The following NFKBIE variants were observed in gnomAD, a reference collection of about 807,000 sequenced individuals.
NFKBIE encodes NFKB inhibitor epsilon, also known as NF-kappa-B inhibitor epsilon.
Under a neutral mutation model 31.6 loss-of-function variants are expected in NFKBIE, and 11 were observed. The observed-to-expected ratio is 0.35, with a 90% CI of 0.22 to 0.58. NFKBIE has a LOEUF of 0.58. Among genes scored for constraint, NFKBIE ranks in the 20% least tolerant of loss-of-function variants. The pLI, the probability that NFKBIE is intolerant of heterozygous loss-of-function variation, is 0.83. For missense variants in NFKBIE, 354 were observed against 465.7 expected (o/e 0.76, Z 2.21); for synonymous variants, 208 against 210.1 (o/e 0.99, Z 0.09).
At chr6:44,262,110 G>A (rs756985144) in intron 2 of NFKBIE, among the ~76,000 whole-genome samples, 1 of 152,164 alleles carries the variant, frequency 6.6e-6, no homozygotes, top group Non-Finnish European at 1.5e-5. Context: ...AGGCCCTGGA[G>A]AAAGGACATG....
chr6:44,262,480 C>T (rs943897230), intron 2 of NFKBIE, 80 bp downstream of exon 2: 4 of 1,243,998 alleles, frequency 3.2e-6, no homozygotes, highest in Admixed American at 1.7e-5. Flanking sequence ...AAGTGAGCAG[C>T]CTTTGGACTG....
Position 44,261,643 on chromosome 6 carries a change from T to C in NFKBIE, c.674A>G (p.Gln225Arg). ...GTCCACACCTTGCCAGTTTTGCAGC[T>C]GGAGGTCCAGAGAGTGAGATGTTCC... ...GRGTSHSLDL[Q>R]LQNWQGLACL... Residue 225 changes from glutamine to arginine, a missense_variant, in exon 3 of 6, where the codon CAG becomes CGG. Gln to Arg is a conservative substitution (Grantham distance 43, BLOSUM62 1). Around this residue, in one of 2 missense-constraint regions of NFKBIE, gnomAD observed 183 missense variants for 310.6 expected, o/e 0.59. Transcript: ENST00000619360. The surrounding 1 kb of genome is among the most constrained non-coding windows in gnomAD (Gnocchi z 4.3). 2 of 1,614,168 alleles carry C rather than the reference T, an allele frequency of 1.2e-6. No individual in the cohort carries two copies. Among genetic ancestry groups the C allele is most frequent in the Non-Finnish European group, 1.7e-6 (2 of 1,180,000 alleles).
chr6:44,265,043 C>T lies in NFKBIE; in HGVS notation c.304G>A (p.Val102Met). 1.2e-5 allele frequency: 19 copies of T among 1,584,558 alleles called. No homozygotes were observed. The highest frequency in any genetic ancestry group is 1.6e-5 in the Non-Finnish European group (19 of 1,165,468). Residue 102 changes from valine to methionine, a missense_variant, in exon 1 of 6, where the codon GTG becomes ATG. Physicochemically the swap from Val to Met is conservative, Grantham distance 21. Around this residue, in one of 2 missense-constraint regions of NFKBIE, gnomAD observed 171 missense variants for 155.1 expected, o/e 1.10. Coordinates refer to ENST00000619360, the MANE Select transcript of NFKBIE (RefSeq NM_004556.3). ...DPAPRLPLPHVGALSPQQLEA... is the reference protein window; with the variant it reads ...DPAPRLPLPHMGALSPQQLEA... ...AGCTGCTGAGGGCTCAGCGCCCCCACGTGGGGGAGTGGCAGGCGTGGGGCC... is the reference window on the plus strand; with the variant it reads ...AGCTGCTGAGGGCTCAGCGCCCCCATGTGGGGGAGTGGCAGGCGTGGGGCC...
In NFKBIE at chr6:44,261,617, T is replaced by C. The variant is rs779573019; in HGVS notation, c.691+9A>G. ...AGGCCCTAAGGGCAGTCTTAAAGACTGTCCACACCTTGCCAGTTTTGCAGC... is the reference window on the plus strand; with the variant it reads ...AGGCCCTAAGGGCAGTCTTAAAGACCGTCCACACCTTGCCAGTTTTGCAGC... On this transcript the variant is annotated intron_variant, in intron 3 of 5. Transcript: ENST00000619360. The surrounding 1 kb of genome is among the most constrained non-coding windows in gnomAD (Gnocchi z 4.3). The C allele has an allele frequency of 1.2e-6, 2 of 1,613,718 alleles. No individual in the cohort carries two copies. Among genetic ancestry groups the C allele is most frequent in the Admixed American group, 3.3e-5 (2 of 60,018 alleles).
rs1554142186 is a variant in NFKBIE, at chr6:44,260,864, C to CACAG, written c.692-326_692-325insCTGT. Among the ~76,000 whole-genome samples the CACAG allele has an allele frequency of 0.027, 2,924 of 107,212 alleles. 43 individuals carry two copies. The highest frequency in any genetic ancestry group is 0.039 in the South Asian group (145 of 3,764). 70.3% of individuals were successfully genotyped at this position (107,212 alleles called of 152,430 possible). A position where few individuals can be genotyped will look rare whatever the true frequency, so the allele number is the denominator to read the frequency against. On this transcript the variant is annotated intron_variant, in intron 3 of 5. Transcript: ENST00000619360. This position sits in a 1 kb window ranked among gnomAD's most constrained non-coding sequence, Gnocchi z 5.5. ...ACACACACACACACACATACAGACA[C>CACAG]ACACACACACACACACACACACACA...
In NFKBIE at chr6:44,261,666, T is replaced by A. The variant is rs776848745; in HGVS notation, c.651A>T (p.Gly217=). ...LLEGRPEPGR[G]TSHSLDLQLQ... ...GCTGGAGGTCCAGAGAGTGAGATGTTCCTCTGCCTGGCTCTGGCCGCCCTT... is the reference window on the plus strand; with the variant it reads ...GCTGGAGGTCCAGAGAGTGAGATGTACCTCTGCCTGGCTCTGGCCGCCCTT... Residue 217 remains glycine, a synonymous_variant, in exon 3 of 6, where the codon GGA becomes GGT. Coordinates refer to ENST00000619360, the MANE Select transcript of NFKBIE (RefSeq NM_004556.3). The surrounding 1 kb of genome is among the most constrained non-coding windows in gnomAD (Gnocchi z 4.3). 1 of 1,614,194 alleles carries A rather than the reference T, an allele frequency of 6.2e-7. No homozygotes were observed. Among genetic ancestry groups the A allele is most frequent in the Non-Finnish European group, 8.5e-7 (1 of 1,180,018 alleles).
Position 44,261,566 on chromosome 6 carries a change from T to C in NFKBIE, c.691+60A>G. ...CTCCCTTCCCCAAGAGTGAGGTCCC[T>C]ATCTCCTATGCCCTCCTCATCCCAC... On this transcript the variant is annotated intron_variant, in intron 3 of 5. Transcript: ENST00000619360. The surrounding 1 kb of genome is among the most constrained non-coding windows in gnomAD (Gnocchi z 4.3). 6.4e-7 allele frequency: 1 copy of C among 1,562,498 alleles called. No individual in the cohort carries two copies. Among genetic ancestry groups the C allele is most frequent in the Non-Finnish European group, 8.8e-7 (1 of 1,139,590 alleles).
Position 44,260,860 on chromosome 6 carries a change from G to GACACACAC in NFKBIE, c.692-329_692-322dup, listed in dbSNP as rs71547856. On this transcript the variant is annotated intron_variant, in intron 3 of 5. Transcript: ENST00000619360. The surrounding 1 kb of genome is among the most constrained non-coding windows in gnomAD (Gnocchi z 5.5). Reference sequence around the variant, plus strand: ...ACACACACACACACACACACATACAGACACACACACACACACACACACACA... The same window carrying GACACACAC: ...ACACACACACACACACACACATACAGACACACACACACACACACACACACACACACACA... Among the ~76,000 whole-genome samples, 1 of 135,442 alleles carries GACACACAC rather than the reference G, an allele frequency of 7.4e-6. No individual in the cohort carries two copies. Among genetic ancestry groups the GACACACAC allele is most frequent in the African/African-American group, 2.9e-5 (1 of 34,842 alleles). The allele number at this position is 135,442 out of a possible 152,430, so 88.9% of individuals were successfully genotyped here. A position where few individuals can be genotyped will look rare whatever the true frequency, so the allele number is the denominator to read the frequency against.
Position 44,258,442 on chromosome 6 carries a change from CCT to C in NFKBIE, c.*775_*776del, listed in dbSNP as rs1256704650. On this transcript the variant is annotated 3_prime_UTR_variant, in exon 6 of 6. Coordinates refer to ENST00000619360, the MANE Select transcript of NFKBIE (RefSeq NM_004556.3). Reference sequence around the variant, plus strand: ...GTGGTGAGGGCTCCAGGGCGTGTGTCCTCTCATTCTTCCTCTTGTCCCTCCAT... The same window carrying C: ...GTGGTGAGGGCTCCAGGGCGTGTGTCCTCATTCTTCCTCTTGTCCCTCCAT... The C allele has an allele frequency of 6.6e-6, 1 of 152,554 alleles. No individual in the cohort carries two copies. Among genetic ancestry groups the C allele is most frequent in the African/African-American group, 2.4e-5 (1 of 41,444 alleles). 9.5% of individuals were successfully genotyped at this position (152,554 alleles called of 1,614,324 possible). A position where few individuals can be genotyped will look rare whatever the true frequency, so the allele number is the denominator to read the frequency against.
At chr6:44,259,323 TG>T (rs750436159) in intron 5 of NFKBIE, 39 bp from the exon 6 acceptor site, 8 of 1,527,654 alleles carry the variant, frequency 5.2e-6, no homozygotes, top group Non-Finnish European at 7.3e-6. Context: ...TCAGAGGACA[TG>T]GGAAAAGGTG....
In NFKBIE at chr6:44,261,181, TCTCA is replaced by T. The variant is rs552090374; in HGVS notation, c.691+441_691+444del. 9.5e-4 allele frequency among the ~76,000 whole-genome samples: 144 copies of T among 152,336 alleles called. No individual in the cohort carries two copies. The highest frequency in any genetic ancestry group is 3.4e-3 in the Middle Eastern group (1 of 294). On this transcript the variant is annotated intron_variant, in intron 3 of 5. Coordinates refer to ENST00000619360, the MANE Select transcript of NFKBIE (RefSeq NM_004556.3). This position sits in a 1 kb window ranked among gnomAD's most constrained non-coding sequence, Gnocchi z 4.3. Reference sequence around the variant, plus strand: ...CTCTCCTACTCCCCACATTCCTTCCTCTCACTCTGCTCTGCTTTTTACTACAGCA... The same window carrying T: ...CTCTCCTACTCCCCACATTCCTTCCTCTCTGCTCTGCTTTTTACTACAGCA...
chr6:44,265,398 G>C lies in NFKBIE; in HGVS notation c.-52C>G. 4 of 1,550,036 alleles carry C rather than the reference G, an allele frequency of 2.6e-6. No individual in the cohort carries two copies. Among genetic ancestry groups the C allele is most frequent in the Non-Finnish European group, 3.5e-6 (4 of 1,155,424 alleles). Reference sequence around the variant, plus strand: ...CGGTCTGAGCAGGATCCGGCTCCAGGCTCCGCCGCGCCGCCTTTCCGGGTT... The same window carrying C: ...CGGTCTGAGCAGGATCCGGCTCCAGCCTCCGCCGCGCCGCCTTTCCGGGTT... On this transcript the variant is annotated 5_prime_UTR_variant, in exon 1 of 6. Transcript: ENST00000619360.
intron 1 of NFKBIE, 75 bp from the exon 2 acceptor site, chr6:44,262,737 G>T: frequency 8.6e-7 from 1 of 1,165,506 alleles, no homozygotes. Flanking sequence ...GGAGTTAGAA[G>T]GAACACATCA....
rs936248231 is a variant in NFKBIE, at chr6:44,261,578, C to T, written c.691+48G>A. 5.7e-6 allele frequency: 9 copies of T among 1,591,312 alleles called. No individual in the cohort carries two copies. The highest frequency in any genetic ancestry group is 7.7e-6 in the Non-Finnish European group (9 of 1,162,442). ...AGAGTGAGGTCCCTATCTCCTATGC[C>T]CTCCTCATCCCACAGGCCCTAAGGG... On this transcript the variant is annotated intron_variant, in intron 3 of 5. Coordinates refer to ENST00000619360, the MANE Select transcript of NFKBIE (RefSeq NM_004556.3). This position sits in a 1 kb window ranked among gnomAD's most constrained non-coding sequence, Gnocchi z 4.3.
rs1289767716 is a variant in NFKBIE at position 44,260,340 on chromosome 6, C to T, written c.781-58G>A. 6.2e-7 allele frequency: 1 copy of T among 1,608,680 alleles called. No individual in the cohort carries two copies. Among genetic ancestry groups the T allele is most frequent in the Non-Finnish European group, 8.5e-7 (1 of 1,175,888 alleles). On this transcript the variant is annotated intron_variant, in intron 4 of 5. Transcript: ENST00000619360. This position sits in a 1 kb window ranked among gnomAD's most constrained non-coding sequence, Gnocchi z 5.5. ...TCAGAGGCAGTGTGCTGGGCCTGGG[C>T]TCTGGATAAGGAAGTGAATGCCACC...
Position 44,259,292 on chromosome 6 carries a change from G to A in NFKBIE, c.1021-8C>T. ...GGGCAAAAGGACAAGGGACTGAGAA[G>A]GAGAATGGAGAGAAGCAAGATCAGA... On this transcript the variant is annotated splice_polypyrimidine_tract_variant and splice_region_variant and intron_variant, in intron 5 of 5. Transcript: ENST00000619360. 1 of 1,605,492 alleles carries A rather than the reference G, an allele frequency of 6.2e-7. No homozygotes were observed. The highest frequency in any genetic ancestry group is 8.5e-7 in the Non-Finnish European group (1 of 1,172,460).
rs762295871 is a variant in NFKBIE, at chr6:44,265,052, G to C, written c.295C>G (p.Leu99Val). The C allele has an allele frequency of 3.2e-6, 5 of 1,578,938 alleles. No individual in the cohort carries two copies. The highest frequency in any genetic ancestry group is 8.6e-7 in the Non-Finnish European group (1 of 1,162,348). Residue 99 changes from leucine to valine, a missense_variant, in exon 1 of 6, where the codon CTC becomes GTC. Leu to Val is a conservative substitution (Grantham distance 32). Around this residue, in one of 2 missense-constraint regions of NFKBIE, gnomAD observed 171 missense variants for 155.1 expected, o/e 1.10. Transcript: ENST00000619360. ...GGGCTCAGCGCCCCCACGTGGGGGA[G>C]TGGCAGGCGTGGGGCCGGGTCCTCA... ...EAEDPAPRLP[L>V]PHVGALSPQQ...
At position 44,262,575 on chromosome 6, in the gene NFKBIE, T is replaced by C; in HGVS notation, c.453A>G (p.Gln151=). Residue 151 remains glutamine, a synonymous_variant, in exon 2 of 6, where the codon CAA becomes CAG. Coordinates refer to ENST00000619360, the MANE Select transcript of NFKBIE (RefSeq NM_004556.3). Reference sequence around the variant, plus strand: ...CGCCACCAACCTGGTAAAGGTTATTTTGAATGTCCAGGACCTCCTGGGGCA... The same window carrying C: ...CGCCACCAACCTGGTAAAGGTTATTCTGAATGTCCAGGACCTCCTGGGGCA... ...ALLPQEVLDI[Q]NNLYQTALHL... 6.2e-7 allele frequency: 1 copy of C among 1,613,980 alleles called. No homozygotes were observed. The highest frequency in any genetic ancestry group is 8.5e-7 in the Non-Finnish European group (1 of 1,179,890).
chr6:44,260,172 G>A lies in NFKBIE; in HGVS notation c.891C>T (p.Asn297=), dbSNP rs149311453. Residue 297 remains asparagine, a synonymous_variant, in exon 5 of 6, where the codon AAC becomes AAT. Coordinates refer to ENST00000619360, the MANE Select transcript of NFKBIE (RefSeq NM_004556.3). The surrounding 1 kb of genome is among the most constrained non-coding windows in gnomAD (Gnocchi z 5.5). ...AGAQVDARML[N]GCTPLHLAAG... is the part of the protein sequence containing the mutation. ...CTGCCAGGTGCAGGGGTGTGCACCC[G>A]TTCAGCATGCGGGCATCTACCTGGG... The A allele has an allele frequency of 4.1e-4, 654 of 1,614,210 alleles. 2 individuals are homozygous for A. The highest frequency in any genetic ancestry group is 5.2e-4 in the Non-Finnish European group (617 of 1,180,030).
Sources: gnomAD v4.1 joint callset for allele counts (sites outside exome capture counted in the v4.1 genomes callset) on GRCh38, gnomAD v4.1.1 for gene constraint, gnomAD v4.1.1 regional missense constraint, Gnocchi (gnomAD v3.1) non-coding constraint, MANE v1.5 for transcripts, NCBI Gene and HGNC (gene_info 2026-07-23, HGNC 2026-07-21) for gene names.